The following ARMH4 variants were observed in gnomAD, a reference collection of about 807,000 sequenced individuals.
ARMH4 encodes the protein armadillo-like helical domain-containing protein 4.
Under a neutral mutation model 61.9 loss-of-function variants are expected in ARMH4, and 49 were observed. That is an observed-to-expected ratio of 0.79 (90% CI 0.63 to 1.00). The LOEUF (loss-of-function observed/expected upper bound fraction) is 1.00. Ranked by LOEUF, ARMH4 falls within the 50% of genes least tolerant of loss-of-function variation. ARMH4 has a pLI of 0.00. For missense variants in ARMH4, 934 were observed against 930.0 expected, an observed-to-expected ratio of 1.00 and a Z score of -0.06; for synonymous variants, 368 against 341.5, an observed-to-expected ratio of 1.08 and a Z score of -0.85.
In ARMH4 at chr14:58,084,500, T is replaced by C. The variant is rs143597818; in HGVS notation, c.2089+12224A>G. Among the ~76,000 whole-genome samples, 672 of 152,330 alleles carry C rather than the reference T, an allele frequency of 4.4e-3. 4 individuals are homozygous for C. The highest frequency in any genetic ancestry group is 6.5e-3 in the Non-Finnish European group (440 of 68,030). On this transcript the variant is annotated intron_variant, in intron 5 of 7. Transcript: ENST00000267485. The stretch of plus-strand genomic sequence containing the variant: ...CAGGTGGTAGTTCACCCAATGCCTA[T>C]GGCTGATTTCATACAAATCTTCGGC...
At chr14:58,049,353 T>C (rs61041060) in intron 5 of ARMH4, among the ~76,000 whole-genome samples, 7,358 of 152,280 alleles carry the variant, frequency 0.048, 189 homozygotes, top group African/African-American at 0.063. Context: ...TCATAGATTC[T>C]CAATTGCACA....
rs1161096028 is a variant in ARMH4, at chr14:58,004,788, C to T, written c.2273G>A (p.Ser758Asn). Residue 758 changes from serine to asparagine, a missense_variant, in exon 8 of 8, where the codon AGC becomes AAC. Coordinates refer to ENST00000267485, the MANE Select transcript of ARMH4 (RefSeq NM_001001872.4). Reference sequence around the variant, plus strand: ...TAAGAGCATTACTCGATCTTGCATGCTGTTGAATTCTCTCTGCTAGAGAAA... The same window carrying T: ...TAAGAGCATTACTCGATCTTGCATGTTGTTGAATTCTCTCTGCTAGAGAAA... ...RHKRKQREFN[S>N]MQDRVMLLAD... 2 of 1,610,952 alleles carry T rather than the reference C, an allele frequency of 1.2e-6. No individual in the cohort carries two copies. The highest frequency in any genetic ancestry group is 3.3e-5 in the Admixed American group (2 of 59,958).
At chr14:58,027,316 G>A (rs571451806) in intron 5 of ARMH4, among the ~76,000 whole-genome samples, 1 of 151,750 alleles carries the variant, frequency 6.6e-6, no homozygotes, top group East Asian at 1.9e-4. Flanking sequence ...TTAAGTTGCA[G>A]TTTTGAGTTT....
intron 5 of ARMH4, among the ~76,000 whole-genome samples, chr14:58,088,448 G>A (rs1885450061): frequency 1.3e-5 from 2 of 149,442 alleles, no homozygotes; most frequent in Admixed American, 6.6e-5. Context: ...GGGTGTCTTA[G>A]CTAATGTGAA....
At position 58,004,058 on chromosome 14, in the gene ARMH4, G is replaced by C. The variant is rs1200877998; in HGVS notation, c.*678C>G. 1 of 152,170 alleles carries C rather than the reference G, an allele frequency of 6.6e-6. No homozygotes were observed. Among genetic ancestry groups the C allele is most frequent in the African/African-American group, 2.4e-5 (1 of 41,426 alleles). The allele number at this position is 152,170 out of a possible 1,614,324, so 9.4% of individuals were successfully genotyped here. A position where few individuals can be genotyped will look rare whatever the true frequency, so the allele number is the denominator to read the frequency against. ...ATTTAAGACAGCAAACGTACATTAAGACTAAGAGTCAGTTTAATGTATTAT... is the reference window on the plus strand; with the variant it reads ...ATTTAAGACAGCAAACGTACATTAACACTAAGAGTCAGTTTAATGTATTAT... On this transcript the variant is annotated 3_prime_UTR_variant, in exon 8 of 8. Coordinates refer to ENST00000267485, the MANE Select transcript of ARMH4 (RefSeq NM_001001872.4).
At chr14:58,044,371 T>C (rs1883849082) in intron 5 of ARMH4, among the ~76,000 whole-genome samples, 1 of 152,218 alleles carries the variant, frequency 6.6e-6, no homozygotes, top group Admixed American at 6.5e-5. Flanking sequence ...GGGAAAAGAT[T>C]CCCTATTTAA....
chr14:58,014,561 G>C (rs1393384544), intron 5 of ARMH4, among the ~76,000 whole-genome samples: 1 of 152,148 alleles, frequency 6.6e-6, no homozygotes, highest in Non-Finnish European at 1.5e-5. Context: ...GGGGAAGAAA[G>C]GTAAGTAAAA....
At chr14:58,066,332 G>A (rs1884698990) in intron 5 of ARMH4, among the ~76,000 whole-genome samples, 2 of 152,194 alleles carry the variant, frequency 1.3e-5, no homozygotes, top group Non-Finnish European at 2.9e-5. Flanking sequence ...TAGTTACCTT[G>A]AAGAGTAAAC....
intron 5 of ARMH4, among the ~76,000 whole-genome samples, chr14:58,058,356 T>C (rs1460032342): frequency 6.6e-6 from 1 of 152,108 alleles, no homozygotes. Context: ...TGAAAGCAAG[T>C]TTATTAAGAA....
intron 5 of ARMH4, among the ~76,000 whole-genome samples, chr14:58,066,628 G>A (rs557951658): frequency 6.6e-6 from 1 of 152,254 alleles, no homozygotes; most frequent in South Asian, 2.1e-4. Context: ...AGGGAGAAGG[G>A]GGAACCATGA....
chr14:58,151,440 T>C (rs1887917122), intron 1 of ARMH4, among the ~76,000 whole-genome samples: 1 of 152,134 alleles, frequency 6.6e-6, no homozygotes, highest in South Asian at 2.1e-4. Context: ...GCCCTCTTTC[T>C]AATTAAGTGA....
intron 5 of ARMH4, among the ~76,000 whole-genome samples, chr14:58,021,610 T>C (rs1362654524): frequency 6.6e-6 from 1 of 152,152 alleles, no homozygotes; most frequent in Non-Finnish European, 1.5e-5. Context: ...TGGGCACCCA[T>C]GGTCCAGTCA....
At chr14:58,032,832 C>A (rs576226172) in intron 5 of ARMH4, among the ~76,000 whole-genome samples, 281 of 152,300 alleles carry the variant, frequency 1.8e-3, no homozygotes, top group African/African-American at 6.5e-3. Flanking sequence ...CTGAATATTG[C>A]GCTTTTCAGA....
At chr14:58,121,229 C>G (rs1032791590) in intron 4 of ARMH4, among the ~76,000 whole-genome samples, 5 of 152,304 alleles carry the variant, frequency 3.3e-5, no homozygotes, top group African/African-American at 1.2e-4. Flanking sequence ...GCACACATAA[C>G]TGAAAGAATA....
intron 1 of ARMH4, among the ~76,000 whole-genome samples, chr14:58,150,938 C>T (rs142052496): frequency 6.6e-6 from 1 of 152,226 alleles, no homozygotes; most frequent in Non-Finnish European, 1.5e-5. Context: ...AAAGGAGACT[C>T]CCTGGAGCCC....
At position 58,138,945 on chromosome 14, in the gene ARMH4, A is replaced by G; in HGVS notation, c.414T>C (p.Ser138=). ...TGGTTAACATGGCCTTGGCAAGTCCACTTTCAGGAGATATTCTCTCTGGCT... is the reference window on the plus strand; with the variant it reads ...TGGTTAACATGGCCTTGGCAAGTCCGCTTTCAGGAGATATTCTCTCTGGCT... ...SSQPERISPE[S]GLAKAMLTIA... is the part of the protein sequence containing the mutation. Residue 138 remains serine, a synonymous_variant, in exon 2 of 8, where the codon AGT becomes AGC. Transcript: ENST00000267485. The G allele has an allele frequency of 6.2e-7, 1 of 1,614,228 alleles. No homozygotes were observed.
chr14:58,096,448 A>G (rs954009219), intron 5 of ARMH4, among the ~76,000 whole-genome samples: 1 of 152,222 alleles, frequency 6.6e-6, no homozygotes, highest in Non-Finnish European at 1.5e-5. Context: ...AACTGTACTC[A>G]TAATAGGCAG....
At chr14:58,038,894 G>C (rs977190114) in intron 5 of ARMH4, among the ~76,000 whole-genome samples, 1 of 152,164 alleles carries the variant, frequency 6.6e-6, no homozygotes, top group Non-Finnish European at 1.5e-5. Flanking sequence ...TACCCTTAGA[G>C]TTCATGGACC....
At chr14:58,150,689 C>T (rs1887892447) in intron 1 of ARMH4, among the ~76,000 whole-genome samples, 1 of 152,078 alleles carries the variant, frequency 6.6e-6, no homozygotes, top group South Asian at 2.1e-4. Flanking sequence ...TATGAATAAA[C>T]TCAACTAATA....
Sources: gnomAD v4.1 joint callset for allele counts (sites outside exome capture counted in the v4.1 genomes callset) on GRCh38, gnomAD v4.1.1 for gene constraint, MANE v1.5 for transcripts, NCBI Gene and HGNC (gene_info 2026-07-23, HGNC 2026-07-21) for gene names.